Variants in NIPAL3 observed in about 807,000 individuals in gnomAD.
NIPAL3 encodes NIPA like domain containing 3, also known as NIPA-like protein 3.
In NIPAL3, 41 loss-of-function variants were observed where a neutral mutation model predicts 47.2. The ratio of observed to expected loss-of-function variants is 0.87; its 90% CI spans 0.68 to 1.13. The LOEUF (loss-of-function observed/expected upper bound fraction) is 1.13. Ranked by LOEUF, NIPAL3 falls within the 50% of genes most tolerant of loss-of-function variation. The pLI, the probability that NIPAL3 is intolerant of heterozygous loss-of-function variation, is 0.00. For missense variants in NIPAL3, 449 were observed against 530.1 expected (o/e 0.85, Z 1.50); for synonymous variants, 194 against 209.6 (o/e 0.93, Z 0.64).
intron 3 of NIPAL3, among the ~76,000 whole-genome samples, chr1:24,440,862 G>T (rs945264528): frequency 1.3e-5 from 2 of 152,146 alleles, no homozygotes; most frequent in African/African-American, 2.4e-5. Flanking sequence ...CTTATCCTCT[G>T]CTAGGATGAT....
At chr1:24,462,153 TA>T (rs1646500511) in intron 10 of NIPAL3, among the ~76,000 whole-genome samples, 1 of 152,146 alleles carries the variant, frequency 6.6e-6, no homozygotes, top group African/African-American at 2.4e-5. Context: ...AAGCCCCTTA[TA>T]AAGCCATCAG....
intron 11 of NIPAL3, chr1:24,466,423 C>T (rs1269450373): frequency 5.9e-6 from 1 of 168,944 alleles, no homozygotes; most frequent in Non-Finnish European, 1.3e-5. Context: ...TCCCTCTGAC[C>T]TTGCTAATGT....
intron 2 of NIPAL3, among the ~76,000 whole-genome samples, chr1:24,427,095 G>A (rs1242168178): frequency 1.3e-5 from 2 of 152,208 alleles, no homozygotes; most frequent in African/African-American, 2.4e-5. Context: ...GAGCAGAATA[G>A]GTAGAGAAGG....
intron 2 of NIPAL3, among the ~76,000 whole-genome samples, chr1:24,428,550 G>A (rs1178477759): frequency 6.6e-6 from 1 of 152,108 alleles, no homozygotes; most frequent in East Asian, 1.9e-4. Flanking sequence ...CATTAGATCA[G>A]GCCCCTTTGT....
At position 24,453,515 on chromosome 1, in the gene NIPAL3, A is replaced by G. The variant is rs1356103105; in HGVS notation, c.637+11A>G. 3.1e-6 allele frequency: 5 copies of G among 1,606,700 alleles called. No homozygotes were observed. The highest frequency in any genetic ancestry group is 1.3e-5 in the African/African-American group (1 of 74,696). On this transcript the variant is annotated intron_variant, in intron 7 of 11. Coordinates refer to ENST00000374399, the MANE Select transcript of NIPAL3 (RefSeq NM_020448.5). ...TGGTGGCGTTACTTGGTAAGTTGGCATCTGGATGATTGAGTTTTGCCACCA... is the reference window on the plus strand; with the variant it reads ...TGGTGGCGTTACTTGGTAAGTTGGCGTCTGGATGATTGAGTTTTGCCACCA...
At position 24,456,144 on chromosome 1, in the gene NIPAL3, T is replaced by C. The variant is rs916451366; in HGVS notation, c.644T>C (p.Met215Thr). The C allele has an allele frequency of 2.7e-5, 44 of 1,614,104 alleles. No homozygotes were observed. The highest frequency in any genetic ancestry group is 3.4e-5 in the Non-Finnish European group (40 of 1,180,030). ...ILLLVALLGS[M>T]TVVTVKAVAG... is the part of the protein sequence containing the mutation. ...CCTTGTCTCCCATCTGCAGGCTCCA[T>C]GACAGTGGTGACAGTCAAGGCCGTG... Residue 215 changes from methionine to threonine, a missense_variant, in exon 8 of 12, where the codon ATG (methionine) becomes ACG (threonine). By Grantham distance (81) the Met-to-Thr change is moderately conservative (BLOSUM62 -1). Coordinates refer to ENST00000374399, the MANE Select transcript of NIPAL3 (RefSeq NM_020448.5).
At chr1:24,464,749 C>T (rs1323604310) in intron 11 of NIPAL3, 1 of 152,300 alleles carries the variant, frequency 6.6e-6, no homozygotes, top group South Asian at 2.1e-4. Flanking sequence ...ATTTGCTGAC[C>T]TAAACTCTGT....
rs184629374 is a variant in NIPAL3, at chr1:24,415,925, G to A, written c.-258+21G>A. 174 of 984,738 alleles carry A rather than the reference G, an allele frequency of 1.8e-4. 2 individuals are homozygous for A. In the African/African-American group the frequency reaches 2.8e-3, roughly 16 times the overall value. 61.0% of individuals were successfully genotyped at this position (984,738 alleles called of 1,614,324 possible). On this transcript the variant is annotated intron_variant, in intron 1 of 11. Transcript: ENST00000374399. ...CGCCGGTGAGTAGTGATTAACACCG[G>A]GAGGAAGGGGAATTGAATTTAACCT... is the stretch of plus-strand genomic sequence containing the variant.
In NIPAL3 at chr1:24,454,647, A is replaced by C. The variant is rs1342918149; in HGVS notation, c.637+1143A>C. 4 of 698,632 alleles carry C rather than the reference A, an allele frequency of 5.7e-6. No individual in the cohort carries two copies. The highest frequency in any genetic ancestry group is 7.0e-6 in the Non-Finnish European group (4 of 568,394). 43.3% of individuals were successfully genotyped at this position (698,632 alleles called of 1,614,324 possible). On this transcript the variant is annotated intron_variant, in intron 7 of 11. Transcript: ENST00000374399. This position sits in a 1 kb window ranked among gnomAD's most constrained non-coding sequence, Gnocchi z 4.1. ...TAGTATTTCATAGAGTTGTGAAACC[A>C]TCATCCTAATCTAATTTTAGAACAT...
intron 2 of NIPAL3, among the ~76,000 whole-genome samples, chr1:24,435,801 CAG>C (rs1007386615): frequency 6.6e-6 from 1 of 152,220 alleles, no homozygotes; most frequent in African/African-American, 2.4e-5. Flanking sequence ...ATAGTCCCAA[CAG>C]GGGAGTTGAG....
intron 2 of NIPAL3, among the ~76,000 whole-genome samples, chr1:24,431,428 C>T (rs1644873538): frequency 6.6e-6 from 1 of 152,122 alleles, no homozygotes; most frequent in Non-Finnish European, 1.5e-5. Context: ...GATCAAGTCC[C>T]CTAAGACTGT....
At chr1:24,447,184 G>A (rs1275717184) in intron 5 of NIPAL3, among the ~76,000 whole-genome samples, 3 of 152,174 alleles carry the variant, frequency 2.0e-5, no homozygotes, top group Non-Finnish European at 4.4e-5. Context: ...CTCTGGGCTG[G>A]GGCCGGGGCC....
chr1:24,442,071 G>A lies in NIPAL3; in HGVS notation c.179G>A (p.Arg60His), dbSNP rs554083957. ...ALNLQKYCHI[R>H]LAGSKDPRAY... ...GGTTTCTAGAAGTACTGCCACATCC[G>A]CCTGGCAGGCTCCAAGGATCCCCGG... Residue 60 changes from arginine (R) to histidine (H), a missense_variant, in exon 4 of 12, where the codon CGC (arginine) becomes CAC (histidine). Transcript: ENST00000374399. The A allele has an allele frequency of 3.6e-5, 58 of 1,613,806 alleles. No individual in the cohort carries two copies. Among genetic ancestry groups the A allele is most frequent in the Middle Eastern group, 3.3e-4 (2 of 6,058 alleles).
chr1:24,454,403 C>G lies in NIPAL3; in HGVS notation c.637+899C>G. 9.7e-7 allele frequency: 1 copy of G among 1,030,392 alleles called. No individual in the cohort carries two copies. The highest frequency in any genetic ancestry group is 1.7e-5 in the African/African-American group (1 of 57,748). The allele number at this position is 1,030,392 out of a possible 1,614,324, so 63.8% of individuals were successfully genotyped here. On this transcript the variant is annotated intron_variant, in intron 7 of 11. Transcript: ENST00000374399. This position sits in a 1 kb window ranked among gnomAD's most constrained non-coding sequence, Gnocchi z 4.1. ...GGGGCCTATGAGAACATCCAAGTCA[C>G]GGAAGGGAGTGGGGGTTAAATGAGA... is the stretch of plus-strand genomic sequence containing the variant.
chr1:24,463,768 G>A (rs1314564062), intron 10 of NIPAL3, among the ~76,000 whole-genome samples: 1 of 152,174 alleles, frequency 6.6e-6, no homozygotes, highest in East Asian at 1.9e-4. Flanking sequence ...GCTCGCCCAG[G>A]AGAGTCTAAT....
At chr1:24,466,905 T>C (rs1646721216) in intron 11 of NIPAL3, among the ~76,000 whole-genome samples, 1 of 152,202 alleles carries the variant, frequency 6.6e-6, no homozygotes, top group Non-Finnish European at 1.5e-5. Context: ...TTAAGTCTTA[T>C]GCAATAGGGA....
At chr1:24,445,125 A>C in intron 4 of NIPAL3, 60 bp from the exon 5 acceptor site, 1 of 1,212,658 alleles carries the variant, frequency 8.2e-7, no homozygotes, top group African/African-American at 1.5e-5. Context: ...GCATGGGTGA[A>C]GGGATGCCCT....
At chr1:24,431,019 A>G (rs1286663133) in intron 2 of NIPAL3, among the ~76,000 whole-genome samples, 2 of 152,232 alleles carry the variant, frequency 1.3e-5, no homozygotes, top group Non-Finnish European at 2.9e-5. Context: ...TCTGTGTAAC[A>G]GATCTGGAAT....
At chr1:24,466,139 C>G in intron 11 of NIPAL3, 1 of 1,563,642 alleles carries the variant, frequency 6.4e-7, no homozygotes, top group South Asian at 1.2e-5. Context: ...GAGAAACAGC[C>G]CCTGACCTCC....
Sources: allele counts gnomAD v4.1 joint callset (sites outside exome capture counted in the v4.1 genomes callset), GRCh38; gene constraint gnomAD v4.1.1; non-coding constraint Gnocchi (gnomAD v3.1); transcripts MANE v1.5; gene names NCBI Gene and HGNC (gene_info 2026-07-23, HGNC 2026-07-21).